Variants in GRID2 observed in about 807,000 individuals in gnomAD.
The protein encoded by GRID2 is glutamate receptor ionotropic, delta-2.
Under a neutral mutation model 114.8 loss-of-function variants are expected in GRID2, and 33 were observed. That is an observed-to-expected ratio of 0.29 (90% CI 0.22 to 0.38). GRID2 has a LOEUF of 0.38. Ranked by LOEUF, GRID2 falls within the 10% of genes least tolerant of loss-of-function variation. The probability of loss-of-function intolerance (pLI) is 1.00; values close to 1 mark genes in which losing one functional copy is unlikely to be tolerated. For synonymous variants in GRID2, 505 were observed against 449.9 expected (o/e 1.12, Z -1.55); for missense variants, 1,184 against 1,257.7 (o/e 0.94, Z 0.89).
intron 4 of GRID2, among the ~76,000 whole-genome samples, chr4:93,196,972 C>T (rs1458408176): frequency 6.6e-6 from 1 of 152,096 alleles, no homozygotes; most frequent in African/African-American, 2.4e-5. Context: ...TAGCAAATTT[C>T]TCTCATTCTG....
chr4:93,544,083 A>G (rs1218638005), intron 13 of GRID2, among the ~76,000 whole-genome samples: 3 of 152,192 alleles, frequency 2.0e-5, no homozygotes, highest in Non-Finnish European at 2.9e-5. Context: ...ATTTCAGAGG[A>G]AAGTGCAGGA....
At chr4:93,556,437 C>T (rs1223170112) in intron 13 of GRID2, among the ~76,000 whole-genome samples, 1 of 152,116 alleles carries the variant, frequency 6.6e-6, no homozygotes, top group Non-Finnish European at 1.5e-5. Context: ...CTGCAAAACA[C>T]ATCATGAAAA....
chr4:93,510,506 C>T (rs908137236), intron 12 of GRID2, among the ~76,000 whole-genome samples: 13 of 152,122 alleles, frequency 8.5e-5, no homozygotes, highest in Middle Eastern at 3.4e-3. Flanking sequence ...TTTTTAACAA[C>T]GTATTTAATA....
chr4:93,662,730 A>G (rs1008664239), intron 14 of GRID2, among the ~76,000 whole-genome samples: 1 of 152,204 alleles, frequency 6.6e-6, no homozygotes, highest in Non-Finnish European at 1.5e-5. Context: ...ATCAAAATAA[A>G]AAAATGACTT....
intron 2 of GRID2, among the ~76,000 whole-genome samples, chr4:92,715,782 C>T (rs903698104): frequency 1.3e-5 from 2 of 152,204 alleles, no homozygotes; most frequent in South Asian, 2.1e-4. Flanking sequence ...TCCCACAACA[C>T]GTGGAAATTG....
chr4:92,513,688 G>T (rs1172975680), intron 1 of GRID2, among the ~76,000 whole-genome samples: 14 of 151,774 alleles, frequency 9.2e-5, no homozygotes, highest in Non-Finnish European at 2.1e-4. Flanking sequence ...CACCATATGG[G>T]TAGAGATCCT....
chr4:92,718,101 A>G (rs1298343588), intron 2 of GRID2, among the ~76,000 whole-genome samples: 1 of 152,122 alleles, frequency 6.6e-6, no homozygotes, highest in Non-Finnish European at 1.5e-5. Flanking sequence ...TAAATTGAAA[A>G]GATTTTAATC....
chr4:92,680,211 G>A (rs1325047194), intron 2 of GRID2, among the ~76,000 whole-genome samples: 1 of 152,030 alleles, frequency 6.6e-6, no homozygotes, highest in East Asian at 1.9e-4. Flanking sequence ...TTTTACCATG[G>A]TGGATGCGAT....
At chr4:92,907,877 G>T (rs1381912206) in intron 2 of GRID2, among the ~76,000 whole-genome samples, 1 of 152,046 alleles carries the variant, frequency 6.6e-6, no homozygotes, top group East Asian at 2.0e-4. Context: ...ACAAAAATTA[G>T]CTGGATGTGT....
intron 1 of GRID2, among the ~76,000 whole-genome samples, chr4:92,435,666 A>T (rs1475605649): frequency 6.6e-6 from 1 of 152,196 alleles, no homozygotes; most frequent in Non-Finnish European, 1.5e-5. Context: ...GCTTTCATAT[A>T]AAATGTACTT....
chr4:92,838,829 T>A (rs1179138166), intron 2 of GRID2: 2 of 151,904 alleles, frequency 1.3e-5, no homozygotes, highest in African/African-American at 4.8e-5. Flanking sequence ...TAGCCCCAAT[T>A]TTCTTTATCC....
chr4:92,755,979 C>T (rs1015839132), intron 2 of GRID2, among the ~76,000 whole-genome samples: 9 of 152,112 alleles, frequency 5.9e-5, no homozygotes, highest in Non-Finnish European at 1.2e-4. Flanking sequence ...TTCAAGTCCA[C>T]GCTTCTAGCT....
chr4:92,748,641 T>G lies in GRID2; in HGVS notation c.244+158355T>G, dbSNP rs932978413. ...ACCATTTAATTAAATTGTATTATTATTATTATTATTATTATTATTATTATT... is the reference window on the plus strand; with the variant it reads ...ACCATTTAATTAAATTGTATTATTAGTATTATTATTATTATTATTATTATT... On this transcript the variant is annotated intron_variant, in intron 2 of 15. Transcript: ENST00000282020. 2.2e-5 allele frequency among the ~76,000 whole-genome samples: 3 copies of G among 134,118 alleles called. No individual in the cohort carries two copies. The East Asian group carries it at 7.6e-4, about 34-fold the overall frequency. The allele number at this position is 134,118 out of a possible 152,430, so 88.0% of individuals were successfully genotyped here.
At chr4:92,652,903 A>G (rs1560512592) in intron 2 of GRID2, among the ~76,000 whole-genome samples, 2 of 138,340 alleles carry the variant, frequency 1.4e-5, no homozygotes, top group Admixed American at 1.5e-4. Context: ...AATACATATA[A>G]ATATATATTT....
intron 1 of GRID2, among the ~76,000 whole-genome samples, chr4:92,570,825 G>A (rs1485942340): frequency 6.6e-6 from 1 of 151,988 alleles, no homozygotes; most frequent in Non-Finnish European, 1.5e-5. Flanking sequence ...CTAAAATTGT[G>A]TATCAGTTTA....
intron 8 of GRID2, among the ~76,000 whole-genome samples, chr4:93,376,177 T>A (rs1763363832): frequency 6.6e-6 from 1 of 152,126 alleles, no homozygotes; most frequent in African/African-American, 2.4e-5. Flanking sequence ...GGTTAGGGCG[T>A]CAACACCTAA....
At chr4:93,616,924 T>G (rs943187233) in intron 13 of GRID2, among the ~76,000 whole-genome samples, 3 of 149,512 alleles carry the variant, frequency 2.0e-5, no homozygotes, top group African/African-American at 7.4e-5. Flanking sequence ...ACCCGGGAGG[T>G]GGAGCTTGCG....
At chr4:92,843,818 A>G (rs1284915497) in intron 2 of GRID2, among the ~76,000 whole-genome samples, 2 of 152,198 alleles carry the variant, frequency 1.3e-5, no homozygotes, top group East Asian at 1.9e-4. Context: ...TTTAGTTGCA[A>G]TGTAGAATCT....
At chr4:92,993,795 G>T (rs952181259) in intron 2 of GRID2, among the ~76,000 whole-genome samples, 3 of 152,190 alleles carry the variant, frequency 2.0e-5, no homozygotes, top group African/African-American at 7.2e-5. Flanking sequence ...GTAGACATTT[G>T]TTGGAGGGTC....
Sources: gnomAD v4.1 joint callset for allele counts (sites outside exome capture counted in the v4.1 genomes callset) on GRCh38, gnomAD v4.1.1 for gene constraint, MANE v1.5 for transcripts, NCBI Gene and HGNC (gene_info 2026-07-23, HGNC 2026-07-21) for gene names.